ASB5: variants seen among roughly 807,000 people sequenced by gnomAD.
ASB5 encodes the protein ankyrin repeat and SOCS box protein 5.
Under a neutral mutation model 42.1 loss-of-function variants are expected in ASB5, and 45 were observed. The ratio of observed to expected loss-of-function variants is 1.07; its 90% CI spans 0.84 to 1.37. The LOEUF is 1.37. Ranked by LOEUF, ASB5 falls within the 40% of genes most tolerant of loss-of-function variation. The pLI, the probability that ASB5 is intolerant of heterozygous loss-of-function variation, is 0.00. For missense variants in ASB5, 402 were observed against 399.8 expected, an observed-to-expected ratio of 1.01 and a Z score of -0.05; for synonymous variants, 147 against 150.6, an observed-to-expected ratio of 0.98 and a Z score of 0.18.
At chr4:176,243,022 T>TTA (rs2126964465) in intron 1 of ASB5, among the ~76,000 whole-genome samples, 1 of 152,282 alleles carries the variant, frequency 6.6e-6, no homozygotes, top group Admixed American at 6.5e-5. Context: ...TGTTTATATA[T>TTA]TATCTATATT....
chr4:176,225,044 C>T (rs188033459), intron 2 of ASB5, among the ~76,000 whole-genome samples: 1 of 152,258 alleles, frequency 6.6e-6, no homozygotes, highest in East Asian at 1.9e-4. Context: ...AATATGCTGT[C>T]TGAGAAATCT....
At chr4:176,223,885 G>A (rs191033057) in intron 2 of ASB5, among the ~76,000 whole-genome samples, 10 of 152,202 alleles carry the variant, frequency 6.6e-5, no homozygotes, top group East Asian at 5.8e-4. Flanking sequence ...AGAACCACAC[G>A]GCCCTTTCTG....
intron 3 of ASB5, 94 bp from the exon 4 acceptor site, chr4:176,221,694 G>A: frequency 8.5e-7 from 1 of 1,176,924 alleles, no homozygotes; most frequent in Non-Finnish European, 1.2e-6. Flanking sequence ...TTTGCTAACA[G>A]AAATACGTAG....
intron 1 of ASB5, among the ~76,000 whole-genome samples, chr4:176,238,563 A>G (rs1753743935): frequency 6.6e-6 from 1 of 152,230 alleles, no homozygotes. Flanking sequence ...ATAGGACTCC[A>G]AGGATTAACT....
At chr4:176,246,329 C>A (rs991678842) in intron 1 of ASB5, among the ~76,000 whole-genome samples, 1 of 152,142 alleles carries the variant, frequency 6.6e-6, no homozygotes, top group Non-Finnish European at 1.5e-5. Flanking sequence ...TCTATAAAGT[C>A]TTTTTAAAAT....
intron 1 of ASB5, among the ~76,000 whole-genome samples, chr4:176,242,666 C>T (rs1361355384): frequency 6.6e-6 from 1 of 152,132 alleles, no homozygotes; most frequent in Non-Finnish European, 1.5e-5. Context: ...GGTTGTCTGT[C>T]CAAAGAACCA....
intron 1 of ASB5, among the ~76,000 whole-genome samples, chr4:176,263,087 T>C (rs950325425): frequency 1.3e-5 from 2 of 152,160 alleles, no homozygotes; most frequent in Non-Finnish European, 2.9e-5. Context: ...CCTCCCTTGA[T>C]GCTGAGTGAG....
At chr4:176,273,371 C>T (rs1305512243), upstream of ASB5, among the ~76,000 whole-genome samples, 2 of 151,880 alleles carry the variant, frequency 1.3e-5, no homozygotes, top group African/African-American at 4.8e-5. Context: ...AAAAAGTATG[C>T]AAGTTGTCAC....
chr4:176,244,978 A>G (rs1753881591), intron 1 of ASB5, among the ~76,000 whole-genome samples: 1 of 151,828 alleles, frequency 6.6e-6, no homozygotes, highest in Admixed American at 6.6e-5. Context: ...AGCAACAATA[A>G]CAAAAAAGAT....
intron 5 of ASB5, among the ~76,000 whole-genome samples, chr4:176,219,988 A>T (rs1457279326): frequency 2.0e-5 from 3 of 152,194 alleles, no homozygotes; most frequent in Non-Finnish European, 4.4e-5. Flanking sequence ...GTCTTGGGCC[A>T]CACATATAAT....
rs547572868 is a variant in ASB5 at position 176,239,393 on chromosome 4, A to ATTCC, written c.197-14053_197-14052insGGAA. 2.2e-4 allele frequency among the ~76,000 whole-genome samples: 33 copies of ATTCC among 152,352 alleles called. 1 individual carries two copies. In the South Asian group the frequency reaches 6.4e-3, roughly 30 times the overall value. ...AATAATGCATATTCCTACAGAATGC[A>ATTCC]TAATAATGCATAATAATATTCCTAC... On this transcript the variant is annotated intron_variant, in intron 1 of 6. Transcript: ENST00000296525.
intron 1 of ASB5, among the ~76,000 whole-genome samples, chr4:176,252,085 A>AAAAAAAAAAAAAG (rs1560817983): frequency 5.6e-3 from 171 of 30,406 alleles, no homozygotes; most frequent in Non-Finnish European, 7.4e-3. Context: ...AAAAAAAAAG[A>AAAAAAAAAAAAAG]AAAAAAAAAA....
chr4:176,225,460 G>T, intron 1 of ASB5, 119 bp from the exon 2 acceptor site: 1 of 847,824 alleles, frequency 1.2e-6, no homozygotes, highest in Non-Finnish European at 1.9e-6. Context: ...GTTCAACAGG[G>T]TGAGCCAGAT....
chr4:176,269,592 G>T (rs2126980977), upstream of ASB5, among the ~76,000 whole-genome samples: 1 of 152,186 alleles, frequency 6.6e-6, no homozygotes. Flanking sequence ...TCCATGGCTT[G>T]TATTTTAATG....
intron 1 of ASB5, among the ~76,000 whole-genome samples, chr4:176,267,282 A>G (rs1754376033): frequency 6.6e-6 from 1 of 152,224 alleles, no homozygotes; most frequent in African/African-American, 2.4e-5. Flanking sequence ...CCATTTGCCA[A>G]CTAAATTTTT....
intron 1 of ASB5, among the ~76,000 whole-genome samples, chr4:176,263,068 C>T (rs1300324289): frequency 6.6e-6 from 1 of 152,148 alleles, no homozygotes; most frequent in African/African-American, 2.4e-5. Flanking sequence ...TAGATTAATG[C>T]TTGCCCTCCC....
rs943983409 is a variant in ASB5, at chr4:176,237,346, T to C, written c.197-12005A>G. ...CTTTTCGTTTAGAAGAACATTCCTCTATACTCACTAGCCTTCTTTTCGTGA... is the reference window on the plus strand; with the variant it reads ...CTTTTCGTTTAGAAGAACATTCCTCCATACTCACTAGCCTTCTTTTCGTGA... On this transcript the variant is annotated intron_variant, in intron 1 of 6. Transcript: ENST00000296525. The C allele has an allele frequency of 3.0e-6, 3 of 985,788 alleles. No individual in the cohort carries two copies. In the African/African-American group the frequency reaches 5.2e-5, roughly 17 times the overall value. The allele number at this position is 985,788 out of a possible 1,614,324, so 61.1% of individuals were successfully genotyped here. A position where few individuals can be genotyped will look rare whatever the true frequency, so the allele number is the denominator to read the frequency against.
chr4:176,241,237 T>C (rs1260241156), intron 1 of ASB5, among the ~76,000 whole-genome samples: 1 of 152,192 alleles, frequency 6.6e-6, no homozygotes, highest in Non-Finnish European at 1.5e-5. Context: ...GTTCACAAAC[T>C]GCCTTCAATA....
chr4:176,252,066 A>C (rs1754048448), intron 1 of ASB5, among the ~76,000 whole-genome samples: 1 of 48,906 alleles, frequency 2.0e-5, no homozygotes, highest in Admixed American at 2.1e-4. Context: ...ACCTTGTCTC[A>C]AAAAAAAAAA....
Sources: allele counts gnomAD v4.1 joint callset (sites outside exome capture counted in the v4.1 genomes callset), GRCh38; gene constraint gnomAD v4.1.1; transcripts MANE v1.5; gene names NCBI Gene and HGNC (gene_info 2026-07-23, HGNC 2026-07-21).